FGF14: variants seen among roughly 807,000 people sequenced by gnomAD.
The protein encoded by FGF14 is fibroblast growth factor homologous factor 4.
In FGF14, 5 loss-of-function variants were observed where a neutral mutation model predicts 25.5. The ratio of observed to expected loss-of-function variants is 0.20; its 90% confidence interval spans 0.10 to 0.41. The LOEUF (loss-of-function observed/expected upper bound fraction) is 0.41. FGF14 is among the 10% of genes least tolerant of loss of function. The pLI is 1.00. For synonymous variants in FGF14, 138 were observed against 118.3 expected, an observed-to-expected ratio of 1.17 and a Z score of -1.08; for missense variants, 222 against 320.1, an observed-to-expected ratio of 0.69 and a Z score of 2.34.
At chr13:102,135,053 ACACAC>A (rs1566730242) in intron 1 of FGF14, among the ~76,000 whole-genome samples, 11 of 150,558 alleles carry the variant, frequency 7.3e-5, no homozygotes, top group African/African-American at 2.7e-4. Flanking sequence ...ACACACACAC[ACACAC>A]ACAAATCCGC....
intron 3 of FGF14, among the ~76,000 whole-genome samples, chr13:101,750,692 G>A (rs1200844536): frequency 6.6e-6 from 1 of 152,072 alleles, no homozygotes; most frequent in African/African-American, 2.4e-5. Flanking sequence ...CTTGATCCTT[G>A]GTGTTTACTC....
chr13:101,897,051 T>C (rs2030799676), intron 1 of FGF14, among the ~76,000 whole-genome samples: 1 of 152,174 alleles, frequency 6.6e-6, no homozygotes, highest in Admixed American at 6.6e-5. Context: ...AACTGATTTA[T>C]ATCATTATTC....
chr13:101,864,304 A>C (rs554734722), intron 3 of FGF14, among the ~76,000 whole-genome samples: 1 of 152,254 alleles, frequency 6.6e-6, no homozygotes, highest in South Asian at 2.1e-4. Context: ...CCAAATATTT[A>C]GTTTCAATGC....
chr13:102,181,661 T>C (rs1205123244), intron 1 of FGF14, among the ~76,000 whole-genome samples: 1 of 152,212 alleles, frequency 6.6e-6, no homozygotes, highest in African/African-American at 2.4e-5. Flanking sequence ...AAAAAGTCTT[T>C]ATGGTTGGTC....
intron 1 of FGF14, among the ~76,000 whole-genome samples, chr13:101,895,971 A>G (rs1385321254): frequency 1.3e-5 from 2 of 152,190 alleles, no homozygotes; most frequent in Non-Finnish European, 2.9e-5. Context: ...CCTAACAATT[A>G]TAATCTACTA....
chr13:102,275,938 C>T (rs1306921631), intron 1 of FGF14, among the ~76,000 whole-genome samples: 2 of 151,964 alleles, frequency 1.3e-5, no homozygotes, highest in Non-Finnish European at 2.9e-5. Context: ...AGTTTAAGAG[C>T]AATGAACAGT....
At chr13:102,039,387 G>A (rs1264291955) in intron 1 of FGF14, among the ~76,000 whole-genome samples, 2 of 152,206 alleles carry the variant, frequency 1.3e-5, no homozygotes, top group Admixed American at 1.3e-4. Flanking sequence ...TACAGACCGC[G>A]TGGCTCAGAA....
At chr13:101,743,199 C>T (rs530246262) in intron 3 of FGF14, among the ~76,000 whole-genome samples, 1 of 152,294 alleles carries the variant, frequency 6.6e-6, no homozygotes, top group East Asian at 1.9e-4. Context: ...ACAGGCATAT[C>T]TTTAACCTTG....
chr13:101,968,546 G>A (rs951979084), intron 1 of FGF14, among the ~76,000 whole-genome samples: 24 of 152,012 alleles, frequency 1.6e-4, no homozygotes, highest in African/African-American at 2.9e-4. Flanking sequence ...GGTGGCAGGC[G>A]CCTGCAGTCC....
chr13:102,336,788 T>A (rs1477624084), intron 1 of FGF14, among the ~76,000 whole-genome samples: 2 of 152,180 alleles, frequency 1.3e-5, no homozygotes, highest in Non-Finnish European at 2.9e-5. Flanking sequence ...TAATTCATCA[T>A]TCTGAAAATC....
At chr13:102,299,560 C>T (rs1308141479) in intron 1 of FGF14, among the ~76,000 whole-genome samples, 1 of 147,538 alleles carries the variant, frequency 6.8e-6, no homozygotes, top group Non-Finnish European at 1.5e-5. Context: ...AGTAGAACCA[C>T]TGGGGCTGCC....
chr13:101,863,174 T>A (rs543226513), intron 3 of FGF14, among the ~76,000 whole-genome samples: 1 of 152,308 alleles, frequency 6.6e-6, no homozygotes, highest in South Asian at 2.1e-4. Flanking sequence ...ATATACTTTT[T>A]ATGATAAAGA....
At chr13:102,317,113 A>G (rs141124190) in intron 1 of FGF14, among the ~76,000 whole-genome samples, 18 of 152,274 alleles carry the variant, frequency 1.2e-4, no homozygotes, top group African/African-American at 4.1e-4. Flanking sequence ...TGCCTCTAGC[A>G]CAGATGCATT....
rs76279905 is a variant in FGF14, at chr13:101,839,079, C to A, written c.408+29646G>T. On this transcript the variant is annotated intron_variant, in intron 3 of 4. Coordinates refer to ENST00000376143, the MANE Select transcript of FGF14 (RefSeq NM_004115.4). The stretch of plus-strand genomic sequence containing the variant: ...CAAGGTGTAGTCAAGGCTGAACTCT[C>A]CTTCTTTAAATTAACATGAAAGATG... 7.8e-3 allele frequency among the ~76,000 whole-genome samples: 1,190 copies of A among 152,130 alleles called. 12 individuals carry two copies. The highest frequency in any genetic ancestry group is 0.027 in the African/African-American group (1,108 of 41,534).
chr13:102,096,001 G>GTGTGTATATA (rs143224591), intron 1 of FGF14, among the ~76,000 whole-genome samples: 18 of 135,048 alleles, frequency 1.3e-4, no homozygotes, highest in Non-Finnish European at 2.3e-4. Context: ...GTGTGTGTGT[G>GTGTGTATATA]TATATATATA....
intron 1 of FGF14, among the ~76,000 whole-genome samples, chr13:101,911,188 A>C (rs545961967): frequency 6.6e-6 from 1 of 152,256 alleles, no homozygotes; most frequent in South Asian, 2.1e-4. Flanking sequence ...TCTCACAGTA[A>C]CATCATAGAG....
At chr13:102,014,709 G>A (rs60776232) in intron 1 of FGF14, among the ~76,000 whole-genome samples, 4,977 of 152,002 alleles carry the variant, frequency 0.033, 248 homozygotes, top group African/African-American at 0.11. Context: ...CACTTATTTC[G>A]TATGTAAATG....
chr13:102,079,232 C>A (rs1006865442), intron 1 of FGF14, among the ~76,000 whole-genome samples: 1 of 152,102 alleles, frequency 6.6e-6, no homozygotes, highest in Non-Finnish European at 1.5e-5. Flanking sequence ...TTGTTAAATT[C>A]TTTCTTCCTT....
intron 1 of FGF14, among the ~76,000 whole-genome samples, chr13:102,111,515 G>T (rs1044225881): frequency 8.5e-5 from 13 of 152,050 alleles, no homozygotes; most frequent in African/African-American, 3.1e-4. Context: ...AGGAGTTCGA[G>T]AACAGCCAGA....
Sources: allele counts gnomAD v4.1 joint callset (sites outside exome capture counted in the v4.1 genomes callset), GRCh38; gene constraint gnomAD v4.1.1; transcripts MANE v1.5; gene names NCBI Gene and HGNC (gene_info 2026-07-23, HGNC 2026-07-21).